MTA3: variants seen among roughly 807,000 people sequenced by gnomAD.
MTA3 encodes the protein metastasis-associated protein MTA3.
MTA3 carries 34 observed loss-of-function variants against 83.5 expected under a neutral mutation model. The observed-to-expected ratio is 0.41, with a 90% confidence interval of 0.31 to 0.54. MTA3 has a LOEUF of 0.54. Among genes scored for constraint, MTA3 ranks in the 20% least tolerant of loss-of-function variants. The pLI, the probability that MTA3 is intolerant of heterozygous loss-of-function variation, is 0.33. For synonymous variants in MTA3, 303 were observed against 252.7 expected (o/e 1.20, Z -1.89); for missense variants, 761 against 726.4 (o/e 1.05, Z -0.55).
At chr2:42,605,743 G>T (rs570130769) in intron 3 of MTA3, among the ~76,000 whole-genome samples, 2,612 of 130,014 alleles carry the variant, frequency 0.02, 54 homozygotes, top group South Asian at 0.052. Context: ...CCTGGATGGG[G>T]CGGCTGGCCG....
At chr2:42,650,048 C>T (rs1156307228) in intron 6 of MTA3, among the ~76,000 whole-genome samples, 3 of 152,118 alleles carry the variant, frequency 2.0e-5, no homozygotes, top group African/African-American at 7.2e-5. Flanking sequence ...CTATTACCTT[C>T]AATTGGTAGT....
intron 2 of MTA3, among the ~76,000 whole-genome samples, chr2:42,506,089 C>G (rs188545178): frequency 6.6e-6 from 1 of 152,008 alleles, no homozygotes; most frequent in Non-Finnish European, 1.5e-5. Context: ...ATTATTGAAG[C>G]TGGATAATGG....
chr2:42,545,574 C>T (rs1289979678), intron 2 of MTA3, among the ~76,000 whole-genome samples: 1 of 151,850 alleles, frequency 6.6e-6, no homozygotes, highest in East Asian at 1.9e-4. Context: ...GGGGGTGGGA[C>T]AGCAGAGGAA....
intron 5 of MTA3, among the ~76,000 whole-genome samples, chr2:42,640,468 T>C (rs6710901): frequency 0.011 from 1,608 of 152,338 alleles, 24 homozygotes; most frequent in African/African-American, 0.036. Flanking sequence ...AATGGCATTA[T>C]AGAGAATGGT....
At chr2:42,502,325 C>T (rs949834780) in intron 2 of MTA3, among the ~76,000 whole-genome samples, 17 of 152,148 alleles carry the variant, frequency 1.1e-4, no homozygotes, top group Admixed American at 7.2e-4. Context: ...CAAAGAATGG[C>T]AGTCTGAGTT....
At chr2:42,577,105 A>AAAAAAATATATAT (rs1211189566) in intron 2 of MTA3, among the ~76,000 whole-genome samples, 5 of 86,948 alleles carry the variant, frequency 5.8e-5, no homozygotes, top group African/African-American at 2.7e-4. Flanking sequence ...AAAAAAAAAA[A>AAAAAAATATATAT]ATATATATAT....
At chr2:42,601,068 G>A (rs1406188676) in intron 3 of MTA3, among the ~76,000 whole-genome samples, 3 of 151,856 alleles carry the variant, frequency 2.0e-5, no homozygotes, top group East Asian at 1.9e-4. Context: ...CTCCACGTCC[G>A]GCTAATTTTT....
intron 3 of MTA3, among the ~76,000 whole-genome samples, chr2:42,595,782 C>T (rs1292910572): frequency 6.6e-6 from 1 of 152,062 alleles, no homozygotes; most frequent in Non-Finnish European, 1.5e-5. Flanking sequence ...TACTTAGTAA[C>T]TTATGACTTA....
At chr2:42,560,567 A>C (rs971360765) in intron 2 of MTA3, among the ~76,000 whole-genome samples, 1 of 151,370 alleles carries the variant, frequency 6.6e-6, no homozygotes, top group Admixed American at 6.6e-5. Context: ...AAAAAACAAA[A>C]AACAACAAAA....
rs140436034 is a variant in MTA3, at chr2:42,650,023, A to G, written c.499+5779A>G. Among the ~76,000 whole-genome samples the G allele has an allele frequency of 3.9e-3, 591 of 152,164 alleles. 3 individuals are homozygous for G. Among genetic ancestry groups the G allele is most frequent in the African/African-American group, 0.014 (562 of 41,530 alleles). ...TCCTAGGTTTTGAGAGTTTTATCCT[A>G]TTTTTTCATAAACTCTATTACCTTC... On this transcript the variant is annotated intron_variant, in intron 6 of 16. Coordinates refer to ENST00000405094, the MANE Select transcript of MTA3 (RefSeq NM_001330442.2).
intron 4 of MTA3, among the ~76,000 whole-genome samples, chr2:42,619,111 A>C (rs1558508248): frequency 6.6e-6 from 1 of 152,318 alleles, no homozygotes; most frequent in East Asian, 1.9e-4. Flanking sequence ...AATGATTGCA[A>C]AATGAACAAC....
intron 16 of MTA3, among the ~76,000 whole-genome samples, chr2:42,739,947 A>G (rs563012094): frequency 1.3e-5 from 2 of 152,322 alleles, no homozygotes; most frequent in South Asian, 2.1e-4. Context: ...TTCTCCTGCT[A>G]TGTCCACCAT....
At chr2:42,715,203 G>C (rs1666937237) in intron 14 of MTA3, among the ~76,000 whole-genome samples, 1 of 152,144 alleles carries the variant, frequency 6.6e-6, no homozygotes, top group Admixed American at 6.6e-5. Flanking sequence ...TGTTGGCCTG[G>C]CATTGAGTGC....
chr2:42,517,721 T>C (rs544080871), intron 2 of MTA3, among the ~76,000 whole-genome samples: 1 of 148,414 alleles, frequency 6.7e-6, no homozygotes, highest in Non-Finnish European at 1.5e-5. Context: ...CTACTAAAAA[T>C]ACACAAATTA....
At chr2:42,536,783 C>T (rs1337625762) in intron 2 of MTA3, among the ~76,000 whole-genome samples, 2 of 140,628 alleles carry the variant, frequency 1.4e-5, no homozygotes, top group Non-Finnish European at 3.0e-5. Context: ...GGCGTGAACC[C>T]GGGAGGCAGA....
intron 4 of MTA3, among the ~76,000 whole-genome samples, chr2:42,613,311 A>G (rs1381226331): frequency 6.6e-6 from 1 of 152,240 alleles, no homozygotes; most frequent in East Asian, 1.9e-4. Flanking sequence ...ATGAAGAGAC[A>G]TAGACATTTG....
chr2:42,599,294 T>G (rs937883039), intron 3 of MTA3, among the ~76,000 whole-genome samples: 2 of 152,128 alleles, frequency 1.3e-5, no homozygotes, highest in Non-Finnish European at 2.9e-5. Flanking sequence ...TGCTTTACAT[T>G]TAATAGTAGT....
rs532773955 is a variant in MTA3, at chr2:42,580,357, T to TTTTATTTA, written c.190+1181_190+1188dup. 4.4e-4 allele frequency among the ~76,000 whole-genome samples: 66 copies of TTTTATTTA among 151,534 alleles called. No individual in the cohort carries two copies. The Middle Eastern group carries it at 0.024, about 55-fold the overall frequency. On this transcript the variant is annotated intron_variant, in intron 3 of 16. Transcript: ENST00000405094. ...AGGTTTTATTATTTTATTTAATTAA[T>TTTTATTTA]TTTATTTATTTATTTATTTATTTAT...
chr2:42,586,010 G>C (rs574927346), intron 3 of MTA3, among the ~76,000 whole-genome samples: 1 of 152,000 alleles, frequency 6.6e-6, no homozygotes, highest in African/African-American at 2.4e-5. Context: ...AGGGCCAGGC[G>C]CAGTGGCTCA....
Sources: allele counts gnomAD v4.1 joint callset (sites outside exome capture counted in the v4.1 genomes callset), GRCh38; gene constraint gnomAD v4.1.1; transcripts MANE v1.5; gene names NCBI Gene and HGNC (gene_info 2026-07-23, HGNC 2026-07-21).